The following DPF3 variants were observed in gnomAD, a reference collection of about 807,000 sequenced individuals.
The protein encoded by DPF3 is double PHD fingers 3, also known as zinc finger protein DPF3.
DPF3 carries 18 observed loss-of-function variants against 56.8 expected under a neutral mutation model. The observed-to-expected ratio is 0.32, with a 90% CI of 0.22 to 0.47. DPF3 has a LOEUF of 0.47. DPF3 is among the 20% of genes least tolerant of loss of function. DPF3 has a pLI of 1.00. For missense variants in DPF3, 403 were observed against 488.8 expected (o/e 0.82, Z 1.65); for synonymous variants, 188 against 180.2 (o/e 1.04, Z -0.35).
At chr14:72,723,539 C>T in intron 5 of DPF3, 94 bp downstream of exon 5, 1 of 1,059,920 alleles carries the variant, frequency 9.4e-7, no homozygotes, top group Non-Finnish European at 1.4e-6. Flanking sequence ...AGACCATGGC[C>T]ATGATTTCCA....
chr14:72,891,143 G>T (rs1255494418), intron 1 of DPF3, among the ~76,000 whole-genome samples: 1 of 152,136 alleles, frequency 6.6e-6, no homozygotes, highest in African/African-American at 2.4e-5. Flanking sequence ...CGTGGAAAAA[G>T]CTAGTACAGT....
chr14:72,658,645 T>C (rs917822083), intron 8 of DPF3, among the ~76,000 whole-genome samples: 9 of 152,220 alleles, frequency 5.9e-5, no homozygotes, highest in Non-Finnish European at 1.5e-5. Flanking sequence ...GAGCCATATC[T>C]TGAATCATCC....
chr14:72,715,541 G>C (rs957502303), intron 5 of DPF3, among the ~76,000 whole-genome samples: 2 of 152,062 alleles, frequency 1.3e-5, no homozygotes, highest in African/African-American at 4.8e-5. Context: ...GGGTGCAGGG[G>C]AAATGGGGCA....
intron 2 of DPF3, among the ~76,000 whole-genome samples, chr14:72,756,952 AGAGG>A (rs1890859320): frequency 7.0e-6 from 1 of 143,872 alleles, no homozygotes; most frequent in Admixed American, 6.9e-5. Flanking sequence ...AGAGAAAGGG[AGAGG>A]GAAAGAGGGG....
At chr14:72,747,192 T>C (rs1304036928) in intron 3 of DPF3, among the ~76,000 whole-genome samples, 2 of 152,160 alleles carry the variant, frequency 1.3e-5, no homozygotes, top group Non-Finnish European at 2.9e-5. Flanking sequence ...CTTCCCTCTC[T>C]ACCTTCCAGG....
At chr14:72,806,908 G>C (rs1183435168) in intron 1 of DPF3, 1 of 152,210 alleles carries the variant, frequency 6.6e-6, no homozygotes, top group African/African-American at 2.4e-5. Flanking sequence ...AGATCAGGGA[G>C]TAATTCAGCA....
chr14:72,822,511 T>C (rs1883599402), intron 1 of DPF3, among the ~76,000 whole-genome samples: 2 of 152,174 alleles, frequency 1.3e-5, no homozygotes, highest in African/African-American at 4.8e-5. Context: ...ATATTTATGT[T>C]TATATAACAT....
rs1456952827 is a variant in DPF3, at chr14:72,610,632, C to T, written c.*8665G>A. On this transcript the variant is annotated 3_prime_UTR_variant, in exon 11 of 11. Transcript: ENST00000556509. ...CTAGTTCTGGCTTTTGTGAATCGAC[C>T]GTGTGACGTAGACAGCACAGCATCA... is the stretch of plus-strand genomic sequence containing the variant. Among the ~76,000 whole-genome samples the T allele has an allele frequency of 4.6e-5, 7 of 152,190 alleles. No homozygotes were observed. The highest frequency in any genetic ancestry group is 7.3e-5 in the Non-Finnish European group (5 of 68,042).
intron 1 of DPF3, among the ~76,000 whole-genome samples, chr14:72,794,239 A>G (rs571512450): frequency 7.2e-5 from 11 of 152,324 alleles, no homozygotes; most frequent in African/African-American, 2.6e-4. Flanking sequence ...ATGGGTGATC[A>G]GTAAATATTA....
chr14:72,815,218 G>C (rs796397799), intron 1 of DPF3, among the ~76,000 whole-genome samples: 6 of 151,382 alleles, frequency 4.0e-5, no homozygotes, highest in African/African-American at 1.5e-4. Flanking sequence ...TGGCCAAAAA[G>C]CACATCAAAA....
At chr14:72,799,446 T>C (rs1340888434) in intron 1 of DPF3, among the ~76,000 whole-genome samples, 1 of 151,958 alleles carries the variant, frequency 6.6e-6, no homozygotes, top group East Asian at 1.9e-4. Context: ...AGGAGGATTA[T>C]TTGAGGCCAG....
intron 6 of DPF3, among the ~76,000 whole-genome samples, chr14:72,699,425 G>T (rs1686440708): frequency 6.6e-6 from 1 of 151,584 alleles, no homozygotes; most frequent in South Asian, 2.1e-4. Flanking sequence ...AAGAGGCTGA[G>T]GTGGGAGGAT....
chr14:72,621,788 A>G (rs1045845477), intron 9 of DPF3, among the ~76,000 whole-genome samples: 1 of 152,182 alleles, frequency 6.6e-6, no homozygotes, highest in Non-Finnish European at 1.5e-5. Flanking sequence ...AGCATCATTG[A>G]TTAGATGGGG....
rs1339653100 is a variant in DPF3 at position 72,674,339 on chromosome 14, G to T, written c.772C>A (p.Pro258Thr). 1 of 1,612,886 alleles carries T rather than the reference G, an allele frequency of 6.2e-7. No homozygotes were observed. The highest frequency in any genetic ancestry group is 8.5e-7 in the Non-Finnish European group (1 of 1,179,590). Residue 258 changes from proline to threonine, a missense_variant, in exon 8 of 11, where the codon CCC becomes ACC. By Grantham distance (38) the Pro-to-Thr change is conservative. Around this residue, in one of 2 missense-constraint regions of DPF3, gnomAD observed 340 missense variants for 374.3 expected, o/e 0.91. Coordinates refer to ENST00000556509, the MANE Select transcript of DPF3 (RefSeq NM_001280542.3). ...PQKGPDGTVI[P>T]NNYCDFCLGG... Reference sequence around the variant, plus strand: ...AAGCAGAAGTCACAGTAGTTATTGGGAATGACTGTTCCATCCGGTCCTTTC... The same window carrying T: ...AAGCAGAAGTCACAGTAGTTATTGGTAATGACTGTTCCATCCGGTCCTTTC...
At chr14:72,658,409 G>T (rs1436847184) in intron 8 of DPF3, among the ~76,000 whole-genome samples, 1 of 151,984 alleles carries the variant, frequency 6.6e-6, no homozygotes, top group African/African-American at 2.4e-5. Context: ...ATGATTTAGG[G>T]ATATAATAAA....
intron 3 of DPF3, among the ~76,000 whole-genome samples, chr14:72,732,680 C>CT (rs1303276585): frequency 6.6e-6 from 1 of 152,110 alleles, no homozygotes; most frequent in African/African-American, 2.4e-5. Context: ...AAGAGAAGCC[C>CT]TGGGGTTGCC....
At chr14:72,828,985 G>A (rs1282038510) in intron 1 of DPF3, among the ~76,000 whole-genome samples, 1 of 152,202 alleles carries the variant, frequency 6.6e-6, no homozygotes, top group Non-Finnish European at 1.5e-5. Context: ...TCTCACTTGG[G>A]CTTGAGGGGC....
chr14:72,795,291 A>ATATATATATATATAT (rs1158510213), intron 1 of DPF3, among the ~76,000 whole-genome samples: 17 of 122,386 alleles, frequency 1.4e-4, no homozygotes, highest in Non-Finnish European at 8.6e-5. Context: ...AAAAAAAAAA[A>ATATATATATATATAT]AAAAATATAT....
At chr14:72,756,616 C>T (rs1890800184) in intron 2 of DPF3, among the ~76,000 whole-genome samples, 1 of 152,062 alleles carries the variant, frequency 6.6e-6, no homozygotes. Context: ...AGTTCAAGAC[C>T]AGCCTGGCCA....
Sources: gnomAD v4.1 joint callset for allele counts (sites outside exome capture counted in the v4.1 genomes callset) on GRCh38, gnomAD v4.1.1 for gene constraint, gnomAD v4.1.1 regional missense constraint, MANE v1.5 for transcripts, NCBI Gene and HGNC (gene_info 2026-07-23, HGNC 2026-07-21) for gene names.